ZNF559: variants seen among roughly 807,000 people sequenced by gnomAD.
ZNF559 encodes putative protein product of Nbla00121.
In ZNF559, 17 loss-of-function variants were observed where a neutral mutation model predicts 14.2. That is an observed-to-expected ratio of 1.20 (90% confidence interval 0.82 to 1.80). The LOEUF is 1.80. ZNF559 is among the 40% of genes most tolerant of loss of function. ZNF559 has a pLI of 0.00. For synonymous variants in ZNF559, 244 were observed against 212.4 expected, an observed-to-expected ratio of 1.15 and a Z score of -1.29; for missense variants, 740 against 629.7, an observed-to-expected ratio of 1.18 and a Z score of -1.88.
At chr19:9,326,105 ATTTTTTTTTTTTTT>A (rs71183701) in intron 2 of ZNF559, among the ~76,000 whole-genome samples, 2 of 73,736 alleles carry the variant, frequency 2.7e-5, no homozygotes, top group Non-Finnish European at 4.9e-5. Flanking sequence ...TATTCACCTG[ATTTTTTTTTTTTTT>A]TTTTTTTTTT....
intron 2 of ZNF559, chr19:9,333,177 T>C (rs1477408030): frequency 6.6e-6 from 1 of 152,184 alleles, no homozygotes; most frequent in Admixed American, 6.5e-5. Context: ...TCACCGTGTG[T>C]TGCCTAGGCT....
chr19:9,339,135 C>A lies in ZNF559; in HGVS notation c.34-58C>A, dbSNP rs1412459012. ...ATGCCAAGACAAGGTCCCTCATTCT[C>A]CAGTCAACATAGTGGAGAACGTACT... On this transcript the variant is annotated intron_variant, in intron 4 of 6. Coordinates refer to ENST00000603380, the MANE Select transcript of ZNF559 (RefSeq NM_032497.3). 190 of 1,608,602 alleles carry A rather than the reference C, an allele frequency of 1.2e-4. No individual in the cohort carries two copies. The South Asian group carries it at 1.7e-3, about 14-fold the overall frequency.
chr19:9,335,826 C>T (rs1270228837), intron 2 of ZNF559, among the ~76,000 whole-genome samples: 1 of 152,094 alleles, frequency 6.6e-6, no homozygotes, highest in Non-Finnish European at 1.5e-5. Flanking sequence ...TGAGTCACAC[C>T]CCAAATATTT....
chr19:9,324,347 T>G, intron 1 of ZNF559, 119 bp downstream of exon 1: 1 of 1,517,484 alleles, frequency 6.6e-7, no homozygotes, highest in Non-Finnish European at 8.8e-7. Context: ...TTTCGGGCAT[T>G]TCGAGCATCT....
intron 3 of ZNF559, 83 bp downstream of exon 3, chr19:9,337,941 G>A: frequency 6.5e-7 from 1 of 1,535,992 alleles, no homozygotes; most frequent in East Asian, 2.4e-5. Flanking sequence ...GTCTCGAAGA[G>A]ACTTTGGGAA....
At chr19:9,334,170 T>C (rs1396871788) in intron 2 of ZNF559, among the ~76,000 whole-genome samples, 1 of 152,226 alleles carries the variant, frequency 6.6e-6, no homozygotes, top group Admixed American at 6.5e-5. Context: ...CTCAAATGTC[T>C]GTCTACAAGA....
rs71183701 is a variant in ZNF559 at position 9,326,105 on chromosome 19, A to ATTT, written c.-120+1349_-120+1351dup. 5.9e-3 allele frequency among the ~76,000 whole-genome samples: 436 copies of ATTT among 73,748 alleles called. 61 individuals carry two copies. The highest frequency in any genetic ancestry group is 0.012 in the Middle Eastern group (1 of 84). The allele number at this position is 73,748 out of a possible 152,430, so 48.4% of individuals were successfully genotyped here. On this transcript the variant is annotated intron_variant, in intron 2 of 6. Transcript: ENST00000603380. ...GTTTTTTAACTAGACTATTCACCTG[A>ATTT]TTTTTTTTTTTTTTTTTTTTTTTTT...
Position 9,342,380 on chromosome 19 carries a change from CA to C in ZNF559, c.933del (p.Lys311AsnfsTer6), listed in dbSNP as rs762978150. 6.2e-7 allele frequency: 1 copy of C among 1,610,464 alleles called. No homozygotes were observed. The highest frequency in any genetic ancestry group is 8.5e-7 in the Non-Finnish European group (1 of 1,178,428). ...NECGKEFTCF[S>X]KLNIHIRVHT... ...TGTGGCAAAGAATTTACTTGTTTCT[CA>C]AAACTCAACATTCACATAAGGGTTC... On this transcript the variant is annotated frameshift_variant, in exon 7 of 7. Coordinates refer to ENST00000603380, the MANE Select transcript of ZNF559 (RefSeq NM_032497.3). LOFTEE classifies it low-confidence loss of function (END_TRUNC).
rs771823871 is a variant in ZNF559 at position 9,342,035 on chromosome 19, C to T, written c.584C>T (p.Pro195Leu). ...TGCAGTGACTGTGAAAAAGGCTTAC[C>T]TTCCTCCTCACACCTCAGAGAATGT... Reference protein sequence around the residue: ...YKCSDCEKGLPSSSHLRECVR... With the variant: ...YKCSDCEKGLLSSSHLRECVR... Residue 195 changes from proline to leucine, a missense_variant, in exon 7 of 7, where the codon CCT (proline) becomes CTT (leucine). By Grantham distance (98) the Pro-to-Leu change is moderately conservative (BLOSUM62 -3). Transcript: ENST00000603380. 22 of 1,610,790 alleles carry T rather than the reference C, an allele frequency of 1.4e-5. No individual in the cohort carries two copies. The highest frequency in any genetic ancestry group is 2.2e-5 in the South Asian group (2 of 90,326).
chr19:9,333,960 C>T (rs1741897592), intron 2 of ZNF559, among the ~76,000 whole-genome samples: 1 of 144,388 alleles, frequency 6.9e-6, no homozygotes, highest in South Asian at 2.2e-4. Flanking sequence ...ACACATATAT[C>T]AGAATGGCTA....
intron 5 of ZNF559, among the ~76,000 whole-genome samples, chr19:9,340,352 T>G (rs937955557): frequency 6.6e-6 from 1 of 152,128 alleles, no homozygotes; most frequent in Admixed American, 6.6e-5. Flanking sequence ...CCAAGGTTCC[T>G]TGGGTACCTT....
intron 2 of ZNF559, among the ~76,000 whole-genome samples, chr19:9,331,509 C>A (rs1456196060): frequency 6.6e-6 from 1 of 152,168 alleles, no homozygotes; most frequent in South Asian, 2.1e-4. Context: ...ATTCTTACAT[C>A]ACACAAAATA....
chr19:9,332,661 C>T (rs575906897), intron 2 of ZNF559, among the ~76,000 whole-genome samples: 1 of 152,224 alleles, frequency 6.6e-6, no homozygotes, highest in South Asian at 2.1e-4. Flanking sequence ...TGAGATGTCT[C>T]AGAATTCTAA....
At chr19:9,340,702 G>A (rs899033219) in intron 5 of ZNF559, among the ~76,000 whole-genome samples, 23 of 151,032 alleles carry the variant, frequency 1.5e-4, no homozygotes, top group African/African-American at 5.1e-4. Flanking sequence ...GAGTAGCTGG[G>A]ACTACAGGTG....
chr19:9,328,858 A>G (rs1599294337), intron 2 of ZNF559, among the ~76,000 whole-genome samples: 1 of 152,162 alleles, frequency 6.6e-6, no homozygotes, highest in African/African-American at 2.4e-5. Flanking sequence ...GTAAATGGAT[A>G]CTTCTTCTTG....
chr19:9,324,671 A>G lies in ZNF559; in HGVS notation c.-205-24A>G. ...AAAAAAAAAAAAAGTCTCCACATCCAGCGTTGTGCCTTTTCTCTATAAGGA... is the reference window on the plus strand; with the variant it reads ...AAAAAAAAAAAAAGTCTCCACATCCGGCGTTGTGCCTTTTCTCTATAAGGA... On this transcript the variant is annotated intron_variant, in intron 1 of 6. Coordinates refer to ENST00000603380, the MANE Select transcript of ZNF559 (RefSeq NM_032497.3). The G allele has an allele frequency of 2.2e-6, 3 of 1,393,962 alleles. No homozygotes were observed. In the South Asian group the frequency reaches 3.9e-5, roughly 18 times the overall value. The allele number at this position is 1,393,962 out of a possible 1,614,324, so 86.3% of individuals were successfully genotyped here.
In ZNF559 at chr19:9,341,719, C is replaced by G. The variant is rs767853051; in HGVS notation, c.268C>G (p.Leu90Val). ...EMERNHFGEE[L>V]FDFNQCEKAL... is the part of the protein sequence containing the mutation. ...GGAGAGAAACCATTTTGGAGAGGAA[C>G]TGTTTGACTTTAACCAATGTGAAAA... The change falls in exon 7 of 7, where the codon CTG becomes GTG. Residue 90 changes from leucine to valine, a missense_variant. Physicochemically the swap from Leu to Val is conservative, Grantham distance 32 (BLOSUM62 1). Coordinates refer to ENST00000603380, the MANE Select transcript of ZNF559 (RefSeq NM_032497.3). 1.3e-6 allele frequency: 2 copies of G among 1,597,524 alleles called. No homozygotes were observed. The highest frequency in any genetic ancestry group is 1.1e-5 in the South Asian group (1 of 89,022).
chr19:9,343,647 TGTTGGAAAGCC>T lies in ZNF559; in HGVS notation c.*580_*590del. 1 of 988,304 alleles carries T rather than the reference TGTTGGAAAGCC, an allele frequency of 1.0e-6. No individual in the cohort carries two copies. Among genetic ancestry groups the T allele is most frequent in the South Asian group, 4.6e-5 (1 of 21,538 alleles). 61.2% of individuals were successfully genotyped at this position (988,304 alleles called of 1,614,324 possible). A position where few individuals can be genotyped will look rare whatever the true frequency, so the allele number is the denominator to read the frequency against. Reference sequence around the variant, plus strand: ...TGAGAAGTCCCATGAGTGAAAGAGATGTTGGAAAGCCCTTGAACTTGGTCGTTAGGAAACAT... The same window carrying T: ...TGAGAAGTCCCATGAGTGAAAGAGATCTTGAACTTGGTCGTTAGGAAACAT... On this transcript the variant is annotated 3_prime_UTR_variant, in exon 7 of 7. Transcript: ENST00000603380.
At position 9,341,789 on chromosome 19, in the gene ZNF559, A is replaced by C; in HGVS notation, c.338A>C (p.Tyr113Ser). Residue 113 changes from tyrosine to serine, a missense_variant, in exon 7 of 7, where the codon TAC becomes TCC. Coordinates refer to ENST00000603380, the MANE Select transcript of ZNF559 (RefSeq NM_032497.3). ...TGCCTTAAGACTCACAGGAGAACTTACTTTAGAAAGAAAACCTGTGAGTGT... is the reference window on the plus strand; with the variant it reads ...TGCCTTAAGACTCACAGGAGAACTTCCTTTAGAAAGAAAACCTGTGAGTGT... ...HSCLKTHRRT[Y>S]FRKKTCECNQ... 6.2e-7 allele frequency: 1 copy of C among 1,608,608 alleles called. No homozygotes were observed. The highest frequency in any genetic ancestry group is 8.5e-7 in the Non-Finnish European group (1 of 1,178,604).
Sources: allele counts gnomAD v4.1 joint callset (sites outside exome capture counted in the v4.1 genomes callset), GRCh38; gene constraint gnomAD v4.1.1; transcripts MANE v1.5; gene names NCBI Gene and HGNC (gene_info 2026-07-23, HGNC 2026-07-21).